The following TYW1B variants were observed in gnomAD, a reference collection of about 807,000 sequenced individuals.
TYW1B encodes the protein S-adenosyl-L-methionine-dependent tRNA 4-demethylwyosine synthase TYW1B.
TYW1B carries 73 observed loss-of-function variants against 86.9 expected under a neutral mutation model. The observed-to-expected ratio is 0.84, with a 90% CI of 0.70 to 1.02. TYW1B has a LOEUF of 1.02. Ranked by LOEUF, TYW1B falls within the 50% of genes least tolerant of loss-of-function variation. The probability of loss-of-function intolerance (pLI) is 0.00; values close to 1 mark genes in which losing one functional copy is unlikely to be tolerated. For missense variants in TYW1B, 637 were observed against 827.4 expected (o/e 0.77, Z 2.82); for synonymous variants, 248 against 292.8 (o/e 0.85, Z 1.56).
chr7:72,709,237 A>G (rs1428907213), intron 10 of TYW1B, among the ~76,000 whole-genome samples: 22 of 152,168 alleles, frequency 1.4e-4, no homozygotes, highest in South Asian at 6.2e-4. Context: ...TTTGAGATCT[A>G]AATCTAGAAT....
chr7:72,685,648 A>C (rs1554449244), intron 11 of TYW1B, among the ~76,000 whole-genome samples: 2 of 152,208 alleles, frequency 1.3e-5, no homozygotes, highest in Non-Finnish European at 2.9e-5. Context: ...TATCTCTCCC[A>C]AAAATTAACT....
At chr7:72,738,540 A>G (rs1272389229) in intron 8 of TYW1B, among the ~76,000 whole-genome samples, 6 of 152,144 alleles carry the variant, frequency 3.9e-5, no homozygotes, top group African/African-American at 1.4e-4. Flanking sequence ...GCATTAGGGA[A>G]TGCTTAGCAA....
At chr7:72,718,590 T>G (rs1786834788) in intron 9 of TYW1B, among the ~76,000 whole-genome samples, 1 of 151,968 alleles carries the variant, frequency 6.6e-6, no homozygotes, top group Admixed American at 6.6e-5. Context: ...GTAACTGCAA[T>G]TGTAAGAATG....
chr7:72,591,853 T>C lies in TYW1B; in HGVS notation c.1786-16134A>G, dbSNP rs183990630. Among the ~76,000 whole-genome samples the C allele has an allele frequency of 1.6e-3, 247 of 152,234 alleles. 2 individuals are homozygous for C. Among genetic ancestry groups the C allele is most frequent in the African/African-American group, 5.4e-3 (223 of 41,554 alleles). On this transcript the variant is annotated intron_variant, in intron 13 of 13. Coordinates refer to ENST00000620995, the MANE Select transcript of TYW1B (RefSeq NM_001145440.3). ...TTATTTTTTTGAGATGGAGTCTCGC[T>C]CTGTTGCCCAGACTAGAGTGTGTGT... is the stretch of plus-strand genomic sequence containing the variant.
At chr7:72,681,271 CAT>C (rs1202594809) in intron 11 of TYW1B, among the ~76,000 whole-genome samples, 1 of 152,232 alleles carries the variant, frequency 6.6e-6, no homozygotes, top group Non-Finnish European at 1.5e-5. Context: ...ATGTGGCAAT[CAT>C]GTGTCAGTCA....
At chr7:72,672,111 T>C (rs1554446466) in intron 11 of TYW1B, among the ~76,000 whole-genome samples, 1 of 152,142 alleles carries the variant, frequency 6.6e-6, no homozygotes. Context: ...TGAGAGCTGA[T>C]GGTTTGAAAA....
intron 13 of TYW1B, among the ~76,000 whole-genome samples, chr7:72,575,920 G>A (rs1452189672): frequency 6.6e-6 from 1 of 152,188 alleles, no homozygotes; most frequent in Non-Finnish European, 1.5e-5. Flanking sequence ...AATCACAGGA[G>A]AGCTTCCTTT....
At chr7:72,623,617 T>C (rs1229269970) in intron 12 of TYW1B, among the ~76,000 whole-genome samples, 1 of 152,150 alleles carries the variant, frequency 6.6e-6, no homozygotes, top group African/African-American at 2.4e-5. Flanking sequence ...GTCTCTTTTC[T>C]TCCAGCTCCA....
At chr7:72,709,268 G>T (rs1228526729) in intron 10 of TYW1B, among the ~76,000 whole-genome samples, 2 of 152,142 alleles carry the variant, frequency 1.3e-5, no homozygotes, top group African/African-American at 2.4e-5. Flanking sequence ...TACATATTCT[G>T]TCTTGTTCCA....
chr7:72,668,555 C>T (rs1554445725), intron 11 of TYW1B, among the ~76,000 whole-genome samples: 1 of 152,180 alleles, frequency 6.6e-6, no homozygotes, highest in South Asian at 2.1e-4. Flanking sequence ...TGTCATTCCA[C>T]TCCCCATCCG....
At chr7:72,749,913 T>G (rs1414798020) in intron 7 of TYW1B, among the ~76,000 whole-genome samples, 12 of 14,188 alleles carry the variant, frequency 8.5e-4, no homozygotes, top group Non-Finnish European at 2.9e-3. Flanking sequence ...GTTTTTTTTG[T>G]TTTTTTTTTT....
chr7:72,673,033 G>A lies in TYW1B; in HGVS notation c.1506+21654C>T, dbSNP rs189579894. Among the ~76,000 whole-genome samples, 716 of 152,240 alleles carry A rather than the reference G, an allele frequency of 4.7e-3. 3 individuals are homozygous for A. The highest frequency in any genetic ancestry group is 0.014 in the Middle Eastern group (4 of 294). On this transcript the variant is annotated intron_variant, in intron 11 of 13. Coordinates refer to ENST00000620995, the MANE Select transcript of TYW1B (RefSeq NM_001145440.3). The stretch of plus-strand genomic sequence containing the variant: ...AAAATACAAAAATTAGCCGGGTGTC[G>A]CGGCGTGCACCTGTAGTCCCAGTTA...
At chr7:72,757,956 G>C (rs1554466524) in intron 7 of TYW1B, among the ~76,000 whole-genome samples, 2 of 152,016 alleles carry the variant, frequency 1.3e-5, no homozygotes, top group Admixed American at 1.3e-4. Flanking sequence ...GCCGGGCGTG[G>C]TGGCTCATGC....
chr7:72,737,198 T>G (rs1189060129), intron 8 of TYW1B, among the ~76,000 whole-genome samples: 1 of 152,358 alleles, frequency 6.6e-6, no homozygotes, highest in Middle Eastern at 3.4e-3. Flanking sequence ...AAAGCATTTA[T>G]GTAACATTTA....
chr7:72,810,455 T>C lies in TYW1B; in HGVS notation c.432+16A>G, dbSNP rs1554477845. ...TTATGGGGAGAATTTATTCCTATAA[T>C]TCAATATAGACCTACCTTGTTGAAG... On this transcript the variant is annotated intron_variant, in intron 4 of 13. Coordinates refer to ENST00000620995, the MANE Select transcript of TYW1B (RefSeq NM_001145440.3). 1.7e-5 allele frequency: 27 copies of C among 1,597,802 alleles called. No individual in the cohort carries two copies. The highest frequency in any genetic ancestry group is 2.3e-5 in the Non-Finnish European group (27 of 1,170,784).
chr7:72,778,347 C>T (rs547618935), intron 6 of TYW1B, among the ~76,000 whole-genome samples: 1 of 152,306 alleles, frequency 6.6e-6, no homozygotes, highest in South Asian at 2.1e-4. Flanking sequence ...CATCTCTAAA[C>T]CCCAAAAACA....
chr7:72,698,172 G>A (rs1302912443), intron 10 of TYW1B, among the ~76,000 whole-genome samples: 3 of 152,136 alleles, frequency 2.0e-5, no homozygotes, highest in African/African-American at 7.2e-5. Flanking sequence ...GGGTGAAAGA[G>A]AAGGAGAGAA....
chr7:72,577,543 C>CA (rs1359562377), intron 13 of TYW1B, among the ~76,000 whole-genome samples: 1 of 152,184 alleles, frequency 6.6e-6, no homozygotes, highest in Non-Finnish European at 1.5e-5. Context: ...ACTGCAGAGT[C>CA]AAAGGTGACC....
rs528027058 is a variant in TYW1B, at chr7:72,822,216, A to G, written c.135+4639T>C. 3.6e-4 allele frequency among the ~76,000 whole-genome samples: 54 copies of G among 151,450 alleles called. 2 individuals are homozygous for G. In the South Asian group the frequency reaches 0.011, roughly 31 times the overall value. ...GAAGAAAAAAGAAGAATAAAAAGAA[A>G]AAGTTACAAAAATATAAGAGAAAAG... On this transcript the variant is annotated intron_variant, in intron 2 of 13. Coordinates refer to ENST00000620995, the MANE Select transcript of TYW1B (RefSeq NM_001145440.3).
Sources: gnomAD v4.1 joint callset for allele counts (sites outside exome capture counted in the v4.1 genomes callset) on GRCh38, gnomAD v4.1.1 for gene constraint, MANE v1.5 for transcripts, NCBI Gene and HGNC (gene_info 2026-07-23, HGNC 2026-07-21) for gene names.